The following FAM83B variants were observed in gnomAD, a reference collection of about 807,000 sequenced individuals.
FAM83B encodes the protein protein FAM83B.
Under a neutral mutation model 38.8 loss-of-function variants are expected in FAM83B, and 26 were observed. That is an observed-to-expected ratio of 0.67 (90% CI 0.49 to 0.93). The LOEUF (loss-of-function observed/expected upper bound fraction) is 0.93. Ranked by LOEUF, FAM83B falls within the 40% of genes least tolerant of loss-of-function variation. The probability of loss-of-function intolerance (pLI) is 0.00; values close to 1 mark genes in which losing one functional copy is unlikely to be tolerated. For missense variants in FAM83B, 1,237 were observed against 1,197.3 expected (o/e 1.03, Z -0.49); for synonymous variants, 419 against 423.1 (o/e 0.99, Z 0.12).
chr6:54,940,656 G>C lies in FAM83B; in HGVS notation c.1685G>C (p.Gly562Ala). ...AAGGAAGTTAACAGTTGTACAACTG[G>C]CTCCTCAAATTCAACTATCATTGGT... Reference protein sequence around the residue: ...EQKEVNSCTTGSSNSTIIGSQ... With the variant: ...EQKEVNSCTTASSNSTIIGSQ... The change falls in exon 5 of 5, where the codon GGC becomes GCC. Residue 562 changes from glycine to alanine, a missense_variant. Physicochemically the swap from Gly to Ala is moderately conservative, Grantham distance 60 (BLOSUM62 0). Coordinates refer to ENST00000306858, the MANE Select transcript of FAM83B (RefSeq NM_001010872.3). 5 of 1,613,946 alleles carry C rather than the reference G, an allele frequency of 3.1e-6. No individual in the cohort carries two copies. In the South Asian group the frequency reaches 3.3e-5, roughly 11 times the overall value.
At chr6:54,915,811 T>A (rs1490054706) in intron 2 of FAM83B, among the ~76,000 whole-genome samples, 3 of 26,628 alleles carry the variant, frequency 1.1e-4, no homozygotes, top group East Asian at 1.4e-3. Flanking sequence ...AGACTCCGTC[T>A]CAAAAAAAAA....
At chr6:54,846,962 A>AGGG (rs1421093379) in intron 1 of FAM83B, 136 bp downstream of exon 1, 2 of 152,168 alleles carry the variant, frequency 1.3e-5, no homozygotes, top group African/African-American at 4.9e-5. Flanking sequence ...CGGGAGGGAT[A>AGGG]GGGGACTCTC....
intron 2 of FAM83B, among the ~76,000 whole-genome samples, chr6:54,903,808 T>C (rs1291511529): frequency 6.6e-6 from 1 of 152,062 alleles, no homozygotes. Flanking sequence ...GTTTTTTTAA[T>C]TACTTTTTTC....
At chr6:54,908,930 T>C (rs546669861) in intron 2 of FAM83B, among the ~76,000 whole-genome samples, 1 of 152,268 alleles carries the variant, frequency 6.6e-6, no homozygotes, top group South Asian at 2.1e-4. Flanking sequence ...AGAAAACTAG[T>C]TCTAGTCATA....
chr6:54,905,502 G>A (rs1224720866), intron 2 of FAM83B, among the ~76,000 whole-genome samples: 1 of 151,932 alleles, frequency 6.6e-6, no homozygotes, highest in Non-Finnish European at 1.5e-5. Flanking sequence ...TTTTTTCGTG[G>A]TAAGAACTCA....
At chr6:54,877,866 G>A (rs1772037384) in intron 2 of FAM83B, among the ~76,000 whole-genome samples, 1 of 152,204 alleles carries the variant, frequency 6.6e-6, no homozygotes, top group Admixed American at 6.5e-5. Context: ...GGAGGTGTTT[G>A]AAGACCTGGT....
chr6:54,858,629 G>GA (rs1255281759), intron 1 of FAM83B, among the ~76,000 whole-genome samples: 1 of 151,952 alleles, frequency 6.6e-6, no homozygotes, highest in African/African-American at 2.4e-5. Flanking sequence ...AGAAACACAA[G>GA]AAAAAATGAG....
intron 1 of FAM83B, among the ~76,000 whole-genome samples, chr6:54,859,743 G>T (rs116047599): frequency 6.6e-6 from 1 of 151,990 alleles, no homozygotes; most frequent in Admixed American, 6.6e-5. Flanking sequence ...TCCTTTATGG[G>T]TCTGTACCCA....
chr6:54,922,109 C>T (rs1257138627), intron 2 of FAM83B, among the ~76,000 whole-genome samples: 1 of 151,974 alleles, frequency 6.6e-6, no homozygotes, highest in Non-Finnish European at 1.5e-5. Flanking sequence ...GAAAGACTGT[C>T]ATTTGTTCTG....
intron 1 of FAM83B, among the ~76,000 whole-genome samples, chr6:54,855,471 A>C (rs1771425807): frequency 6.6e-6 from 1 of 152,196 alleles, no homozygotes. Context: ...AGGCCAATTC[A>C]TGTCCGTTGA....
chr6:54,884,924 C>T (rs1442861938), intron 2 of FAM83B, among the ~76,000 whole-genome samples: 1 of 151,976 alleles, frequency 6.6e-6, no homozygotes, highest in Non-Finnish European at 1.5e-5. Context: ...AGGCGCCCGC[C>T]ACCACGCCCG....
chr6:54,941,987 T>C lies in FAM83B; in HGVS notation c.3016T>C (p.Phe1006Leu), dbSNP rs1196732795. Residue 1006 changes from phenylalanine to leucine, a missense_variant, in exon 5 of 5, where the codon TTT becomes CTT. Coordinates refer to ENST00000306858, the MANE Select transcript of FAM83B (RefSeq NM_001010872.3). ...AGGATTTATGCAAAAGTTTGGAAAC[T>C]TTATACACAAAAATAAATAGCTATT... ...FRGFMQKFGNFIHKNK is the reference protein window; with the variant it reads ...FRGFMQKFGNLIHKNK The C allele has an allele frequency of 1.3e-6, 2 of 1,596,126 alleles. No individual in the cohort carries two copies. The highest frequency in any genetic ancestry group is 1.7e-6 in the Non-Finnish European group (2 of 1,172,750).
At chr6:54,917,747 T>A (rs1297663004) in intron 2 of FAM83B, among the ~76,000 whole-genome samples, 3 of 152,152 alleles carry the variant, frequency 2.0e-5, no homozygotes, top group Admixed American at 2.0e-4. Flanking sequence ...ATTGAAAAAT[T>A]AATAGTAAGC....
At chr6:54,908,257 T>A (rs1427859407) in intron 2 of FAM83B, among the ~76,000 whole-genome samples, 1 of 152,070 alleles carries the variant, frequency 6.6e-6, no homozygotes, top group East Asian at 1.9e-4. Context: ...TTCCCTTATG[T>A]TTTTTCTTTC....
intron 2 of FAM83B, among the ~76,000 whole-genome samples, chr6:54,906,021 C>G (rs1772769240): frequency 6.6e-6 from 1 of 150,670 alleles, no homozygotes; most frequent in South Asian, 2.1e-4. Flanking sequence ...TGACACTATC[C>G]TTTTGCCTTC....
At chr6:54,847,664 G>T (rs767316476) in intron 1 of FAM83B, among the ~76,000 whole-genome samples, 1 of 152,128 alleles carries the variant, frequency 6.6e-6, no homozygotes, top group Non-Finnish European at 1.5e-5. Context: ...GACAGGCAGA[G>T]AATGCCTGTG....
intron 1 of FAM83B, among the ~76,000 whole-genome samples, chr6:54,858,011 A>G (rs1285718777): frequency 1.3e-5 from 2 of 152,338 alleles, no homozygotes; most frequent in Non-Finnish European, 2.9e-5. Flanking sequence ...GAAGAGGTCC[A>G]CAAACCAACT....
intron 2 of FAM83B, among the ~76,000 whole-genome samples, chr6:54,925,948 G>C (rs1773278230): frequency 6.6e-6 from 1 of 151,538 alleles, no homozygotes; most frequent in Non-Finnish European, 1.5e-5. Flanking sequence ...TTTTTTCTCT[G>C]TCTCAGTTCC....
intron 2 of FAM83B, among the ~76,000 whole-genome samples, chr6:54,875,639 C>T (rs7755423): frequency 0.011 from 1,638 of 146,942 alleles, 36 homozygotes; most frequent in African/African-American, 0.039. Context: ...AGGAGAAGGA[C>T]GGAAAGAGAG....
Sources: allele counts gnomAD v4.1 joint callset (sites outside exome capture counted in the v4.1 genomes callset), GRCh38; gene constraint gnomAD v4.1.1; transcripts MANE v1.5; gene names NCBI Gene and HGNC (gene_info 2026-07-23, HGNC 2026-07-21).